The following EPHA5 variants were observed in gnomAD, a reference collection of about 807,000 sequenced individuals.
EPHA5 encodes ephrin type-A receptor 5.
In EPHA5, 60 loss-of-function variants were observed where a neutral mutation model predicts 105.0. The ratio of observed to expected loss-of-function variants is 0.57; its 90% confidence interval spans 0.46 to 0.71. The LOEUF (loss-of-function observed/expected upper bound fraction) is 0.71, where lower values mean the gene tolerates loss of function less well. Among genes scored for constraint, EPHA5 ranks in the 30% least tolerant of loss-of-function variants. The pLI is 0.00. For synonymous variants in EPHA5, 513 were observed against 449.1 expected (o/e 1.14, Z -1.80); for missense variants, 1,218 against 1,274.7 (o/e 0.96, Z 0.68).
intron 2 of EPHA5, among the ~76,000 whole-genome samples, chr4:65,625,767 A>C (rs1344145043): frequency 1.3e-5 from 2 of 152,238 alleles, no homozygotes; most frequent in Non-Finnish European, 2.9e-5. Flanking sequence ...AACACAACCA[A>C]CTTCCAGATC....
intron 8 of EPHA5, among the ~76,000 whole-genome samples, chr4:65,404,102 T>C (rs1006330094): frequency 6.6e-6 from 1 of 152,162 alleles, no homozygotes; most frequent in East Asian, 1.9e-4. Flanking sequence ...ATATGTGTCA[T>C]ATAAAGAGAT....
intron 3 of EPHA5, among the ~76,000 whole-genome samples, chr4:65,562,956 G>A (rs1578430724): frequency 6.6e-6 from 1 of 151,842 alleles, no homozygotes; most frequent in African/African-American, 2.4e-5. Flanking sequence ...CAGACTGGGT[G>A]ACAGAGCAAG....
intron 5 of EPHA5, among the ~76,000 whole-genome samples, chr4:65,471,998 C>T (rs1421480937): frequency 3.9e-5 from 6 of 152,146 alleles, no homozygotes; most frequent in Non-Finnish European, 7.3e-5. Flanking sequence ...AGTGCATAGT[C>T]CAAAGTCTCA....
intron 3 of EPHA5, among the ~76,000 whole-genome samples, chr4:65,566,817 T>C (rs1739586514): frequency 6.6e-6 from 1 of 151,770 alleles, no homozygotes; most frequent in South Asian, 2.1e-4. Context: ...CTAAAGGTCA[T>C]CCAAAATATA....
intron 3 of EPHA5, among the ~76,000 whole-genome samples, chr4:65,513,678 G>A (rs960940139): frequency 2.6e-4 from 40 of 152,188 alleles, no homozygotes; most frequent in African/African-American, 9.6e-4. Flanking sequence ...GAGCCACTGC[G>A]CCCAGCCTCA....
intron 5 of EPHA5, among the ~76,000 whole-genome samples, chr4:65,464,495 A>G (rs548042545): frequency 6.6e-6 from 1 of 152,234 alleles, no homozygotes; most frequent in East Asian, 1.9e-4. Flanking sequence ...AGAACCAGAA[A>G]ATCAAACGTT....
intron 2 of EPHA5, among the ~76,000 whole-genome samples, chr4:65,634,146 A>G (rs6821020): frequency 0.037 from 5,693 of 152,120 alleles, 351 homozygotes; most frequent in African/African-American, 0.13. Context: ...GATTAATAAG[A>G]TGATATTATG....
At chr4:65,388,666 T>TTTGC (rs1252532022) in intron 8 of EPHA5, among the ~76,000 whole-genome samples, 3 of 145,330 alleles carry the variant, frequency 2.1e-5, no homozygotes, top group African/African-American at 7.7e-5. Flanking sequence ...GATGGGGTTG[T>TTTGC]TTTTTTCTTG....
At chr4:65,337,004 C>T (rs1721249380) in intron 14 of EPHA5, among the ~76,000 whole-genome samples, 1 of 151,878 alleles carries the variant, frequency 6.6e-6, no homozygotes, top group Non-Finnish European at 1.5e-5. Flanking sequence ...TACTTTTTCA[C>T]AAAGAATTCA....
At chr4:65,373,971 G>T (rs989990230) in intron 8 of EPHA5, among the ~76,000 whole-genome samples, 1 of 151,912 alleles carries the variant, frequency 6.6e-6, no homozygotes, top group South Asian at 2.1e-4. Flanking sequence ...TAAGTATTAT[G>T]CTATAAATAT....
At position 65,602,247 on chromosome 4, in the gene EPHA5, A is replaced by T. The variant is rs2149441874; in HGVS notation, c.304T>A (p.Cys102Ser). Reference protein sequence around the residue: ...NYAPIHTYQVCKVMEQNQNNW... With the variant: ...NYAPIHTYQVSKVMEQNQNNW... Reference sequence around the variant, plus strand: ...TTCTGATTCTGTTCCATCACTTTGCATACTTGGTATGTGTGGATAGGGGCA... The same window carrying T: ...TTCTGATTCTGTTCCATCACTTTGCTTACTTGGTATGTGTGGATAGGGGCA... The change falls in exon 3 of 17, where the codon TGC becomes AGC. Residue 102 changes from cysteine to serine, a missense_variant. Cys to Ser is a moderately radical substitution (Grantham distance 112). Transcript: ENST00000613740. 6.2e-7 allele frequency: 1 copy of T among 1,611,978 alleles called. No individual in the cohort carries two copies. Among genetic ancestry groups the T allele is most frequent in the Non-Finnish European group, 8.5e-7 (1 of 1,179,980 alleles).
chr4:65,602,273 T>C lies in EPHA5; in HGVS notation c.278A>G (p.Tyr93Cys). The change falls in exon 3 of 17, where the codon TAT becomes TGT. Residue 93 changes from tyrosine to cysteine, a missense_variant. Physicochemically the swap from Tyr to Cys is radical, Grantham distance 194. Transcript: ENST00000613740. ...TACTTGGTATGTGTGGATAGGGGCA[T>C]AATTTTCATCCACTTCACCAATCTC... ...WEEIGEVDEN[Y>C]APIHTYQVCK... 2 of 1,604,350 alleles carry C rather than the reference T, an allele frequency of 1.2e-6. No homozygotes were observed. Among genetic ancestry groups the C allele is most frequent in the Non-Finnish European group, 1.7e-6 (2 of 1,176,832 alleles).
intron 6 of EPHA5, among the ~76,000 whole-genome samples, chr4:65,420,001 A>G (rs1282645444): frequency 6.6e-6 from 1 of 152,170 alleles, no homozygotes; most frequent in Non-Finnish European, 1.5e-5. Context: ...ATGTTTGCTA[A>G]GAATCTTTAA....
intron 14 of EPHA5, among the ~76,000 whole-genome samples, chr4:65,342,894 A>G (rs1472785860): frequency 1.3e-5 from 2 of 151,800 alleles, no homozygotes; most frequent in Non-Finnish European, 2.9e-5. Flanking sequence ...CTGCTTTACA[A>G]GTAAGATCTG....
At chr4:65,333,960 A>G (rs535556533) in intron 15 of EPHA5, among the ~76,000 whole-genome samples, 3 of 151,778 alleles carry the variant, frequency 2.0e-5, no homozygotes, top group Admixed American at 6.6e-5. Context: ...CATTGTGCAT[A>G]CCATCTATTC....
At chr4:65,532,411 A>C (rs1471040731) in intron 3 of EPHA5, among the ~76,000 whole-genome samples, 1 of 151,916 alleles carries the variant, frequency 6.6e-6, no homozygotes, top group African/African-American at 2.4e-5. Flanking sequence ...AGACACATAA[A>C]ATTCAGGTAC....
At position 65,336,029 on chromosome 4, in the gene EPHA5, G is replaced by T. The variant is rs146343247; in HGVS notation, c.2692C>A (p.Arg898=). ...QLMLDCWQKE[R]NSRPKFDEIV... is the part of the protein sequence containing the mutation. The stretch of plus-strand genomic sequence containing the variant: ...TCATCAAACTTGGGCCTGCTATTTC[G>T]CTCTTTCTGCCAGCAATCCAGCATT... The change falls in exon 15 of 17, where the codon CGA becomes AGA. Residue 898 remains arginine (R), a synonymous_variant. Transcript: ENST00000613740. The T allele has an allele frequency of 4.3e-6, 7 of 1,613,204 alleles. No homozygotes were observed. The highest frequency in any genetic ancestry group is 5.9e-6 in the Non-Finnish European group (7 of 1,179,552).
intron 14 of EPHA5, among the ~76,000 whole-genome samples, chr4:65,347,029 C>A (rs1256843634): frequency 6.6e-6 from 1 of 152,030 alleles, no homozygotes; most frequent in Non-Finnish European, 1.5e-5. Flanking sequence ...TTAGGTTGGA[C>A]TCGAATTTTT....
intron 1 of EPHA5, among the ~76,000 whole-genome samples, chr4:65,667,570 G>A (rs1008221524): frequency 4.6e-5 from 7 of 152,004 alleles, no homozygotes; most frequent in African/African-American, 1.7e-4. Flanking sequence ...TGTTAAATCT[G>A]TAACAACAGC....
Sources: allele counts gnomAD v4.1 joint callset (sites outside exome capture counted in the v4.1 genomes callset), GRCh38; gene constraint gnomAD v4.1.1; transcripts MANE v1.5; gene names NCBI Gene and HGNC (gene_info 2026-07-23, HGNC 2026-07-21).